The following GALNT13 variants were observed in gnomAD, a reference collection of about 807,000 sequenced individuals.
The protein encoded by GALNT13 is UDP-GalNAc:polypeptide N-acetylgalactosaminyltransferase 13.
In GALNT13, 28 loss-of-function variants were observed where a neutral mutation model predicts 64.2. That is an observed-to-expected ratio of 0.44 (90% confidence interval 0.32 to 0.60). The LOEUF (loss-of-function observed/expected upper bound fraction) is 0.60, where lower values mean the gene tolerates loss of function less well. GALNT13 is among the 20% of genes least tolerant of loss of function. The pLI, the probability that GALNT13 is intolerant of heterozygous loss-of-function variation, is 0.05. For synonymous variants in GALNT13, 214 were observed against 224.6 expected, an observed-to-expected ratio of 0.95 and a Z score of 0.42; for missense variants, 577 against 669.8, an observed-to-expected ratio of 0.86 and a Z score of 1.53.
chr2:153,851,721 A>G, the GALNT13 span, among the ~76,000 whole-genome samples: 8 of 152,088 alleles, frequency 5.3e-5, no homozygotes, highest in Non-Finnish European at 8.8e-5. Flanking sequence ...AACAACAACA[A>G]AAAGGAATCT....
At chr2:153,215,815 G>A in the GALNT13 span, among the ~76,000 whole-genome samples, 1 of 150,958 alleles carries the variant, frequency 6.6e-6, no homozygotes, top group African/African-American at 2.4e-5. Context: ...TTCACTATCA[G>A]TATATTTTAA....
intron 8 of GALNT13, among the ~76,000 whole-genome samples, chr2:154,278,824 A>C (rs907395823): frequency 6.6e-5 from 10 of 152,132 alleles, no homozygotes; most frequent in Non-Finnish European, 1.3e-4. Context: ...AAATCTTTTT[A>C]AGACATTTGC....
chr2:153,679,472 T>C, the GALNT13 span, among the ~76,000 whole-genome samples: 11 of 151,898 alleles, frequency 7.2e-5, no homozygotes, highest in African/African-American at 2.7e-4. Flanking sequence ...AATGACAACA[T>C]AAACTCAGTC....
At chr2:153,321,475 A>G in the GALNT13 span, among the ~76,000 whole-genome samples, 2 of 152,202 alleles carry the variant, frequency 1.3e-5, no homozygotes, top group Non-Finnish European at 2.9e-5. Flanking sequence ...GCACATATTA[A>G]GTTTCTTCCA....
rs779570742 is a variant in GALNT13, at chr2:154,396,162, A to G, written c.1296+32A>G. 5.4e-6 allele frequency: 8 copies of G among 1,486,980 alleles called. No homozygotes were observed. In the South Asian group the frequency reaches 9.6e-5, roughly 18 times the overall value. 92.1% of individuals were successfully genotyped at this position (1,486,980 alleles called of 1,614,324 possible). ...ATTATTTATTTTGGTTAAGTTATAA[A>G]TATATTTTGCAAATGGAGCAATTTC... On this transcript the variant is annotated intron_variant, in intron 10 of 12. Transcript: ENST00000392825.
At chr2:153,683,246 T>C in the GALNT13 span, among the ~76,000 whole-genome samples, 1 of 151,732 alleles carries the variant, frequency 6.6e-6, no homozygotes, top group African/African-American at 2.4e-5. Context: ...TCCTTCAGTT[T>C]CCAGCACTTC....
At chr2:153,358,582 T>C in the GALNT13 span, among the ~76,000 whole-genome samples, 1 of 152,280 alleles carries the variant, frequency 6.6e-6, no homozygotes, top group East Asian at 1.9e-4. Context: ...GATATGGATA[T>C]TTTTTTCCTG....
the GALNT13 span, among the ~76,000 whole-genome samples, chr2:153,250,873 T>A: frequency 6.6e-6 from 1 of 151,228 alleles, no homozygotes; most frequent in African/African-American, 2.4e-5. Context: ...CCAGGGCCTG[T>A]CATGGGGTGG....
the GALNT13 span, among the ~76,000 whole-genome samples, chr2:153,674,039 A>G: frequency 1.3e-5 from 2 of 152,242 alleles, no homozygotes; most frequent in Admixed American, 6.5e-5. Flanking sequence ...CCACTGCTCA[A>G]TGAAATAAAA....
chr2:154,331,379 T>C (rs879294265), intron 9 of GALNT13, among the ~76,000 whole-genome samples: 1 of 152,054 alleles, frequency 6.6e-6, no homozygotes, highest in Non-Finnish European at 1.5e-5. Context: ...TATAGCTCAC[T>C]GCAACCTCCA....
intron 9 of GALNT13, among the ~76,000 whole-genome samples, chr2:154,305,577 C>T (rs1383296960): frequency 1.3e-5 from 2 of 152,138 alleles, no homozygotes; most frequent in African/African-American, 2.4e-5. Context: ...TGGGCTTCTA[C>T]TCTGAGATTT....
chr2:154,177,659 G>A (rs1414839065), intron 4 of GALNT13, among the ~76,000 whole-genome samples: 3 of 152,166 alleles, frequency 2.0e-5, no homozygotes, highest in Non-Finnish European at 4.4e-5. Context: ...TGTGCAGTAG[G>A]AATAGTGGGC....
At chr2:153,561,809 TTTGAA>T in the GALNT13 span, among the ~76,000 whole-genome samples, 1 of 152,130 alleles carries the variant, frequency 6.6e-6, no homozygotes, top group African/African-American at 2.4e-5. Flanking sequence ...ACTGTTGACT[TTTGAA>T]TTGGAGTAAT....
intron 9 of GALNT13, among the ~76,000 whole-genome samples, chr2:154,345,371 C>T (rs962011223): frequency 4.6e-5 from 7 of 151,974 alleles, no homozygotes; most frequent in African/African-American, 1.7e-4. Flanking sequence ...AGGTTTCCTC[C>T]TTAGAAAAAG....
At chr2:153,653,421 GA>G in the GALNT13 span, among the ~76,000 whole-genome samples, 2 of 152,156 alleles carry the variant, frequency 1.3e-5, no homozygotes, top group Non-Finnish European at 2.9e-5. Context: ...CCTTGAGTGA[GA>G]AATTATTGTA....
At chr2:153,582,312 G>T in the GALNT13 span, among the ~76,000 whole-genome samples, 1 of 149,888 alleles carries the variant, frequency 6.7e-6, no homozygotes, top group Non-Finnish European at 1.5e-5. Context: ...ATTCAGACTT[G>T]CTTTGTAATT....
At chr2:153,208,965 G>GT in the GALNT13 span, among the ~76,000 whole-genome samples, 2 of 84,524 alleles carry the variant, frequency 2.4e-5, no homozygotes, top group Admixed American at 1.2e-4. Flanking sequence ...ATGCATTTTG[G>GT]TTTTGGTCTT....
At chr2:153,636,903 C>A in the GALNT13 span, among the ~76,000 whole-genome samples, 1 of 152,164 alleles carries the variant, frequency 6.6e-6, no homozygotes, top group East Asian at 1.9e-4. Flanking sequence ...TGACTTGATA[C>A]ATGTCTTTAA....
At chr2:153,227,666 G>C in the GALNT13 span, among the ~76,000 whole-genome samples, 3 of 152,116 alleles carry the variant, frequency 2.0e-5, no homozygotes, top group African/African-American at 7.2e-5. Flanking sequence ...GTATACGCTT[G>C]GCTGCATTTT....
Sources: gnomAD v4.1 joint callset for allele counts (sites outside exome capture counted in the v4.1 genomes callset) on GRCh38, gnomAD v4.1.1 for gene constraint, MANE v1.5 for transcripts, NCBI Gene and HGNC (gene_info 2026-07-23, HGNC 2026-07-21) for gene names.